CDH23: variants seen among roughly 807,000 people sequenced by gnomAD.
The protein encoded by CDH23 is cadherin-23.
CDH23 carries 189 observed loss-of-function variants against 317.1 expected under a neutral mutation model. The observed-to-expected ratio is 0.60, with a 90% CI of 0.53 to 0.67. CDH23 has a LOEUF of 0.67. Ranked by LOEUF, CDH23 falls within the 30% of genes least tolerant of loss-of-function variation. CDH23 has a pLI of 0.00. For synonymous variants in CDH23, 1,839 were observed against 1,876.8 expected (o/e 0.98, Z 0.52); for missense variants, 4,401 against 4,592.4 (o/e 0.96, Z 1.20).
chr10:71,528,060 T>A (rs1483271527), intron 6 of CDH23, among the ~76,000 whole-genome samples: 1 of 152,158 alleles, frequency 6.6e-6, no homozygotes, highest in African/African-American at 2.4e-5. Flanking sequence ...TGGTCAGTGT[T>A]ATAAGAAACA....
chr10:71,646,346 C>G (rs1403143367), intron 13 of CDH23, 113 bp from the exon 14 acceptor site: 2 of 1,511,438 alleles, frequency 1.3e-6, no homozygotes, highest in Admixed American at 1.8e-5. Flanking sequence ...GGCAGAGACT[C>G]TAACAGGTGC....
At position 71,706,853 on chromosome 10, in the gene CDH23, C is replaced by G. The variant is rs372379656; in HGVS notation, c.2954-44C>G. On this transcript the variant is annotated intron_variant, in intron 25 of 69. Coordinates refer to ENST00000224721, the MANE Select transcript of CDH23 (RefSeq NM_022124.6). ...CGCTGCTCTGGAGCTGGGTCTTCTG[C>G]GGCAGAAGCCAGGCCTAGCCCCGGC... The G allele has an allele frequency of 2.6e-6, 4 of 1,548,546 alleles. No homozygotes were observed. In the African/African-American group the frequency reaches 5.5e-5, roughly 21 times the overall value.
At chr10:71,521,092 A>G (rs1854650803) in intron 6 of CDH23, among the ~76,000 whole-genome samples, 1 of 151,776 alleles carries the variant, frequency 6.6e-6, no homozygotes, top group African/African-American at 2.4e-5. Flanking sequence ...CTGTCCATCT[A>G]TTAAAAAGCC....
intron 11 of CDH23, among the ~76,000 whole-genome samples, chr10:71,640,486 A>C (rs1047277679): frequency 1.1e-4 from 16 of 152,224 alleles, no homozygotes; most frequent in Non-Finnish European, 2.2e-4. Context: ...GCGGTGGCTC[A>C]CGCCTGTAAT....
chr10:71,454,980 G>A (rs1306823562), intron 3 of CDH23, among the ~76,000 whole-genome samples: 1 of 151,682 alleles, frequency 6.6e-6, no homozygotes, highest in Non-Finnish European at 1.5e-5. Context: ...GCTGATTACA[G>A]GCTAATGAAG....
At position 71,751,962 on chromosome 10, in the gene CDH23, T is replaced by G. The variant is rs1440271861; in HGVS notation, c.4845+10041T>G. ...CTCTCCTCCCTTTCTCTCACCTACA[T>G]CCCCATCCCCAAGCCTCAGCAGCAT... On this transcript the variant is annotated intron_variant, in intron 38 of 69. Transcript: ENST00000224721. The surrounding 1 kb of genome is among the most constrained non-coding windows in gnomAD (Gnocchi z 4.9). 10 of 1,221,932 alleles carry G rather than the reference T, an allele frequency of 8.2e-6. No individual in the cohort carries two copies. The highest frequency in any genetic ancestry group is 3.5e-6 in the Non-Finnish European group (3 of 862,944). The allele number at this position is 1,221,932 out of a possible 1,614,324, so 75.7% of individuals were successfully genotyped here. A position where few individuals can be genotyped will look rare whatever the true frequency, so the allele number is the denominator to read the frequency against.
chr10:71,725,278 A>C, intron 29 of CDH23, 94 bp from the exon 30 acceptor site: 2 of 1,558,212 alleles, frequency 1.3e-6, no homozygotes, highest in Non-Finnish European at 1.8e-6. Flanking sequence ...CAAGGAGGGG[A>C]CTGGTGAACT....
chr10:71,517,601 A>G (rs974824081), intron 6 of CDH23, among the ~76,000 whole-genome samples: 1 of 152,162 alleles, frequency 6.6e-6, no homozygotes, highest in Non-Finnish European at 1.5e-5. Flanking sequence ...TGTGCCTGCC[A>G]TGGCCCCTGA....
chr10:71,467,232 T>C (rs969532038), intron 3 of CDH23, among the ~76,000 whole-genome samples: 4 of 152,176 alleles, frequency 2.6e-5, no homozygotes, highest in African/African-American at 9.6e-5. Context: ...GTGTATTAAC[T>C]GTACAGACAT....
intron 38 of CDH23, among the ~76,000 whole-genome samples, chr10:71,777,047 G>A (rs1840831293): frequency 6.6e-6 from 1 of 152,244 alleles, no homozygotes; most frequent in Non-Finnish European, 1.5e-5. Context: ...GCCGATCACA[G>A]GAGAGTATGT....
At chr10:71,455,532 T>G (rs1398724364) in intron 3 of CDH23, among the ~76,000 whole-genome samples, 2 of 152,204 alleles carry the variant, frequency 1.3e-5, no homozygotes, top group African/African-American at 2.4e-5. Flanking sequence ...TCCTTGAGTG[T>G]CTTCTATGCA....
chr10:71,688,797 G>A (rs1361351356), intron 19 of CDH23, among the ~76,000 whole-genome samples: 12 of 21,698 alleles, frequency 5.5e-4, no homozygotes, highest in Non-Finnish European at 1.0e-3. Context: ...GGAGTCAGGG[G>A]TGGTGGAGCC....
At chr10:71,790,236 G>A (rs1307953300) in intron 45 of CDH23, 52 bp from the exon 46 acceptor site, 3 of 1,602,442 alleles carry the variant, frequency 1.9e-6, no homozygotes, top group Admixed American at 3.3e-5. Context: ...GGGGAGGTGG[G>A]AGGGCAGGGG....
intron 6 of CDH23, among the ~76,000 whole-genome samples, chr10:71,557,277 A>T (rs1305798483): frequency 1.3e-5 from 2 of 152,188 alleles, no homozygotes; most frequent in African/African-American, 4.8e-5. Flanking sequence ...GTGTTCCTTA[A>T]TGCTTGATGT....
intron 6 of CDH23, among the ~76,000 whole-genome samples, chr10:71,557,687 G>A (rs1213974356): frequency 6.6e-6 from 1 of 152,210 alleles, no homozygotes; most frequent in East Asian, 1.9e-4. Flanking sequence ...AATGGAAATA[G>A]TGTTCTTTAT....
chr10:71,597,090 C>G (rs1859906020), intron 9 of CDH23, among the ~76,000 whole-genome samples: 1 of 152,178 alleles, frequency 6.6e-6, no homozygotes, highest in Non-Finnish European at 1.5e-5. Context: ...GGCAAAGTGA[C>G]TGACTTGTTA....
intron 14 of CDH23, among the ~76,000 whole-genome samples, chr10:71,647,355 A>C (rs548705206): frequency 3.3e-5 from 5 of 151,894 alleles, no homozygotes; most frequent in Admixed American, 6.6e-5. Context: ...CCCAGCTACT[A>C]GGGAGGCTGA....
At chr10:71,584,907 G>C (rs1428067752) in intron 9 of CDH23, among the ~76,000 whole-genome samples, 1 of 152,216 alleles carries the variant, frequency 6.6e-6, no homozygotes, top group Admixed American at 6.5e-5. Context: ...GAGGTCACCA[G>C]GAAGGAGTCC....
intron 9 of CDH23, among the ~76,000 whole-genome samples, chr10:71,611,569 T>C (rs1860896113): frequency 6.6e-6 from 1 of 152,160 alleles, no homozygotes; most frequent in South Asian, 2.1e-4. Context: ...ATTTAATCCT[T>C]AAAGTGACAG....
Sources: gnomAD v4.1 joint callset for allele counts (sites outside exome capture counted in the v4.1 genomes callset) on GRCh38, gnomAD v4.1.1 for gene constraint, Gnocchi (gnomAD v3.1) non-coding constraint, MANE v1.5 for transcripts, NCBI Gene and HGNC (gene_info 2026-07-23, HGNC 2026-07-21) for gene names.